The following CCDC158 variants were observed in gnomAD, a reference collection of about 807,000 sequenced individuals.
The protein encoded by CCDC158 is coiled-coil domain-containing protein 158.
In CCDC158, 116 loss-of-function variants were observed where a neutral mutation model predicts 138.6. That is an observed-to-expected ratio of 0.84 (90% confidence interval 0.72 to 0.98). The LOEUF (loss-of-function observed/expected upper bound fraction) is 0.98, where lower values mean the gene tolerates loss of function less well. Ranked by LOEUF, CCDC158 falls within the 50% of genes least tolerant of loss-of-function variation. The probability of loss-of-function intolerance (pLI) is 0.00; values close to 1 mark genes in which losing one functional copy is unlikely to be tolerated. For missense variants in CCDC158, 1,265 were observed against 1,306.1 expected, an observed-to-expected ratio of 0.97 and a Z score of 0.48; for synonymous variants, 436 against 442.4, an observed-to-expected ratio of 0.99 and a Z score of 0.18.
intron 14 of CCDC158, chr4:76,356,707 A>T (rs529127199): frequency 3.3e-5 from 5 of 152,338 alleles, no homozygotes; most frequent in African/African-American, 1.2e-4. Context: ...GTGCGGCCAA[A>T]GCGAGCACAA....
At position 76,313,057 on chromosome 4, in the gene CCDC158, G is replaced by T; in HGVS notation, c.*113C>A. On this transcript the variant is annotated 3_prime_UTR_variant, in exon 25 of 25. Transcript: ENST00000682701. ...TTCAAAATAGAGTTTACAAGACAGG[G>T]TATCTTTTATTAAATTTTCACATAA... The T allele has an allele frequency of 1.6e-6, 1 of 613,716 alleles. No homozygotes were observed. The highest frequency in any genetic ancestry group is 2.8e-6 in the Non-Finnish European group (1 of 353,940). The allele number at this position is 613,716 out of a possible 1,614,324, so 38.0% of individuals were successfully genotyped here. A position where few individuals can be genotyped will look rare whatever the true frequency, so the allele number is the denominator to read the frequency against.
At chr4:76,404,086 T>C (rs905347787) in intron 2 of CCDC158, among the ~76,000 whole-genome samples, 21 of 151,626 alleles carry the variant, frequency 1.4e-4, no homozygotes, top group African/African-American at 4.8e-4. Context: ...GTGAATGAGA[T>C]ACAGAGAGAA....
At chr4:76,391,816 G>C (rs758480892) in intron 4 of CCDC158, among the ~76,000 whole-genome samples, 4 of 151,036 alleles carry the variant, frequency 2.6e-5, no homozygotes, top group Non-Finnish European at 5.9e-5. Flanking sequence ...AATAAAATCA[G>C]AGACAAAAAA....
At chr4:76,371,650 T>C (rs1337950322) in intron 9 of CCDC158, 114 bp from the exon 10 acceptor site, 8 of 1,311,692 alleles carry the variant, frequency 6.1e-6, no homozygotes, top group Non-Finnish European at 8.3e-6. Context: ...TAAAAGTTCG[T>C]TGTGAGGCTG....
At chr4:76,393,929 A>G (rs1485936529) in intron 4 of CCDC158, among the ~76,000 whole-genome samples, 1 of 152,156 alleles carries the variant, frequency 6.6e-6, no homozygotes, top group East Asian at 1.9e-4. Context: ...CTACAATGAG[A>G]TATCAACTCA....
chr4:76,351,971 T>A, intron 16 of CCDC158, 159 bp from the exon 17 acceptor site: 3 of 550,258 alleles, frequency 5.5e-6, no homozygotes, highest in Non-Finnish European at 9.6e-6. Context: ...TTTAGTGAAC[T>A]GTGAGCAACT....
intron 4 of CCDC158, among the ~76,000 whole-genome samples, chr4:76,386,095 T>C (rs570010430): frequency 1.3e-5 from 2 of 152,302 alleles, no homozygotes; most frequent in East Asian, 3.9e-4. Flanking sequence ...TTAACAAAGA[T>C]GTGTTTTGAC....
At chr4:76,321,125 A>T (rs1719955221) in intron 24 of CCDC158, among the ~76,000 whole-genome samples, 1 of 152,240 alleles carries the variant, frequency 6.6e-6, no homozygotes, top group Non-Finnish European at 1.5e-5. Context: ...AATTCTCAAA[A>T]GAAGATACAC....
intron 18 of CCDC158, among the ~76,000 whole-genome samples, chr4:76,340,492 T>C (rs944509730): frequency 5.9e-5 from 9 of 152,168 alleles, no homozygotes; most frequent in African/African-American, 2.2e-4. Context: ...CTCCCTATAT[T>C]CTGGATTAAA....
chr4:76,345,499 T>A, intron 18 of CCDC158: 1 of 929,502 alleles, frequency 1.1e-6, no homozygotes, highest in Non-Finnish European at 1.8e-6. Context: ...TTTAGAAAGA[T>A]TCTCATTGAA....
intron 9 of CCDC158, among the ~76,000 whole-genome samples, chr4:76,372,884 T>C (rs977865269): frequency 2.0e-5 from 3 of 152,186 alleles, no homozygotes; most frequent in Admixed American, 6.5e-5. Flanking sequence ...AATCTCGCCC[T>C]GTCGCCCAGG....
chr4:76,353,208 TTG>T lies in CCDC158; in HGVS notation c.2358_2359del (p.Asn786LysfsTer22). On this transcript the variant is annotated frameshift_variant, in exon 16 of 25. Coordinates refer to ENST00000682701, the MANE Select transcript of CCDC158 (RefSeq NM_001394954.1). LOFTEE classifies it high-confidence loss of function. ...CAGAACTTCCAACTCCCCAGCCATC[TTG>T]TTTTTTTCTGTGGCAACAGTACTCA... 1 of 1,613,880 alleles carries T rather than the reference TTG, an allele frequency of 6.2e-7. No homozygotes were observed. The highest frequency in any genetic ancestry group is 1.1e-5 in the South Asian group (1 of 91,028).
At chr4:76,378,305 A>G (rs1579022370) in intron 9 of CCDC158, among the ~76,000 whole-genome samples, 2 of 152,156 alleles carry the variant, frequency 1.3e-5, no homozygotes, top group South Asian at 2.1e-4. Context: ...CTGTTACCCT[A>G]TAGAATTGGT....
chr4:76,364,416 G>A (rs1215582873), intron 12 of CCDC158, among the ~76,000 whole-genome samples: 1 of 152,122 alleles, frequency 6.6e-6, no homozygotes, highest in Non-Finnish European at 1.5e-5. Flanking sequence ...TGGAGCACCT[G>A]GAATGTGGCC....
chr4:76,376,070 T>TC (rs1345572257), intron 9 of CCDC158, among the ~76,000 whole-genome samples: 1 of 152,054 alleles, frequency 6.6e-6, no homozygotes, highest in East Asian at 1.9e-4. Context: ...TTTTTTTTTT[T>TC]CTGAGACAGG....
Position 76,325,890 on chromosome 4 carries a change from C to A in CCDC158, c.3136G>T (p.Ala1046Ser), listed in dbSNP as rs762178999. 1.2e-6 allele frequency: 2 copies of A among 1,611,578 alleles called. No individual in the cohort carries two copies. Among genetic ancestry groups the A allele is most frequent in the South Asian group, 1.1e-5 (1 of 90,502 alleles). Residue 1046 changes from alanine to serine, a missense_variant, in exon 23 of 25, where the codon GCC becomes TCC. By Grantham distance (99) the Ala-to-Ser change is moderately conservative. Coordinates refer to ENST00000682701, the MANE Select transcript of CCDC158 (RefSeq NM_001394954.1). ...GAATCAGATGAATGAATAGGTTTGG[C>A]AGATCTATACTGTGATGTGGAACCT... is the stretch of plus-strand genomic sequence containing the variant. ...SIGSTSQYRS[A>S]KPIHSSDSVK...
intron 6 of CCDC158, 41 bp downstream of exon 6, chr4:76,384,046 AT>A (rs749608714): frequency 4.5e-6 from 6 of 1,331,174 alleles, no homozygotes; most frequent in Non-Finnish European, 6.2e-6. Context: ...CTCTTAATGC[AT>A]TTTAATATAA....
Position 76,415,926 on chromosome 4 carries a change from T to C in CCDC158, c.-116-3794A>G, listed in dbSNP as rs575667632. 2.6e-5 allele frequency among the ~76,000 whole-genome samples: 4 copies of C among 152,276 alleles called. No homozygotes were observed. In the South Asian group the frequency reaches 8.3e-4, roughly 32 times the overall value. On this transcript the variant is annotated intron_variant, in intron 1 of 24. Coordinates refer to ENST00000682701, the MANE Select transcript of CCDC158 (RefSeq NM_001394954.1). The stretch of plus-strand genomic sequence containing the variant: ...CGGGGGAGTTTAGAGAAGACTCTAC[T>C]CCTCCACCTCTTGTGGAGGGCCTGA...
intron 1 of CCDC158, among the ~76,000 whole-genome samples, chr4:76,414,057 C>T (rs1729502478): frequency 6.6e-6 from 1 of 152,116 alleles, no homozygotes; most frequent in Non-Finnish European, 1.5e-5. Flanking sequence ...TACAGCTGCA[C>T]ACCACCATGC....
Sources: gnomAD v4.1 joint callset for allele counts (sites outside exome capture counted in the v4.1 genomes callset) on GRCh38, gnomAD v4.1.1 for gene constraint, MANE v1.5 for transcripts, NCBI Gene and HGNC (gene_info 2026-07-23, HGNC 2026-07-21) for gene names.